EVPL: variants seen among roughly 807,000 people sequenced by gnomAD.
The protein encoded by EVPL is envoplakin, also known as 210 kDa cornified envelope precursor protein.
In EVPL, 94 loss-of-function variants were observed where a neutral mutation model predicts 129.7. That is an observed-to-expected ratio of 0.72 (90% confidence interval 0.61 to 0.86). The LOEUF is 0.86. Among genes scored for constraint, EVPL ranks in the 40% least tolerant of loss-of-function variants. The pLI is 0.00. For synonymous variants in EVPL, 1,172 were observed against 1,191.1 expected (o/e 0.98, Z 0.33); for missense variants, 2,625 against 2,721.1 (o/e 0.96, Z 0.79).
At position 76,007,417 on chromosome 17, in the gene EVPL, T is replaced by C. The variant is rs528929217; in HGVS notation, c.5788A>G (p.Ser1930Gly). Residue 1930 changes from serine to glycine, a missense_variant, in exon 22 of 22, where the codon AGC (serine) becomes GGC (glycine). By Grantham distance (56) the Ser-to-Gly change is moderately conservative (BLOSUM62 0). Coordinates refer to ENST00000301607, the MANE Select transcript of EVPL (RefSeq NM_001988.4). The surrounding 1 kb of genome is among the most constrained non-coding windows in gnomAD (Gnocchi z 8.8). ...TGCACCTGCAGGTGTGGGAGCACGC[T>C]CTCCCGGGGCATCCAGCCCTTCTGG... ...AVQKGWMPRE[S>G]VLPHLQVQHL... The C allele has an allele frequency of 3.7e-6, 6 of 1,603,800 alleles. No individual in the cohort carries two copies. The highest frequency in any genetic ancestry group is 1.7e-4 in the Middle Eastern group (1 of 6,038).
chr17:76,027,180 T>C lies in EVPL; in HGVS notation c.19A>G (p.Lys7Glu). MFKGLS[K>E]GSQGKGSPKG... ...GGGGACCCCTTCCCCTGGGAGCCTT[T>C]GCTCAGCCCCTTGAACATGGTCGTA... The change falls in exon 1 of 22, where the codon AAA (lysine) becomes GAA (glutamate). Residue 7 changes from lysine to glutamate, a missense_variant. Physicochemically the swap from Lys to Glu is moderately conservative, Grantham distance 56. Coordinates refer to ENST00000301607, the MANE Select transcript of EVPL (RefSeq NM_001988.4). 1 of 1,596,488 alleles carries C rather than the reference T, an allele frequency of 6.3e-7. No individual in the cohort carries two copies. Among genetic ancestry groups the C allele is most frequent in the Non-Finnish European group, 8.5e-7 (1 of 1,173,648 alleles).
At position 76,015,083 on chromosome 17, in the gene EVPL, CTGTTCCAGCA is replaced by C. The variant is rs769016290; in HGVS notation, c.2045_2054del (p.Leu682ArgfsTer12). ...GGTGTAGCCGCAGCACGCAGGTCTG[CTGTTCCAGCA>C]GCTCCCTCCGCTGGCGCTGCAGGAG... On this transcript the variant is annotated frameshift_variant, in exon 17 of 22. Coordinates refer to ENST00000301607, the MANE Select transcript of EVPL (RefSeq NM_001988.4). LOFTEE classifies it high-confidence loss of function. The C allele has an allele frequency of 6.3e-7, 1 of 1,577,632 alleles. No homozygotes were observed. Among genetic ancestry groups the C allele is most frequent in the African/African-American group, 1.3e-5 (1 of 74,498 alleles).
In EVPL at chr17:76,009,893, C is replaced by T. The variant is rs200935750; in HGVS notation, c.3312G>A (p.Ala1104=). 2.1e-5 allele frequency: 34 copies of T among 1,614,142 alleles called. No individual in the cohort carries two copies. The East Asian group carries it at 2.5e-4, about 12-fold the overall frequency. Residue 1104 remains alanine (A), a synonymous_variant, in exon 22 of 22, where the codon GCG becomes GCA. Coordinates refer to ENST00000301607, the MANE Select transcript of EVPL (RefSeq NM_001988.4). This position sits in a 1 kb window ranked among gnomAD's most constrained non-coding sequence, Gnocchi z 5.9. ...CAGCCTCCTCCGCCTGCTTCCTCCG[C>T]GCAGCATCCTCCTCCATCTGCAGCC... ...ALRLQMEEDA[A]RRKQAEEAVA... is the part of the protein sequence containing the mutation.
Position 76,018,150 on chromosome 17 carries a change from A to G in EVPL, c.1537+11T>C. On this transcript the variant is annotated intron_variant, in intron 13 of 21. Transcript: ENST00000301607. Reference sequence around the variant, plus strand: ...CCCCACAGCCACCTCTCCCCGGGCCACCCTGGGTACCCTGCTGGCTGGGCC... The same window carrying G: ...CCCCACAGCCACCTCTCCCCGGGCCGCCCTGGGTACCCTGCTGGCTGGGCC... 5 of 1,550,738 alleles carry G rather than the reference A, an allele frequency of 3.2e-6. No individual in the cohort carries two copies. Among genetic ancestry groups the G allele is most frequent in the Non-Finnish European group, 4.4e-6 (5 of 1,146,738 alleles).
At chr17:76,017,670 T>C (rs1235318606) in intron 14 of EVPL, 69 bp downstream of exon 14, 2 of 1,560,916 alleles carry the variant, frequency 1.3e-6, no homozygotes, top group Non-Finnish European at 1.7e-6. Flanking sequence ...TTGCCTCACC[T>C]CCCTCAAGTG....
intron 9 of EVPL, 87 bp downstream of exon 9, chr17:76,021,381 T>G: frequency 2.3e-6 from 3 of 1,276,884 alleles, no homozygotes; most frequent in Non-Finnish European, 2.2e-6. Flanking sequence ...GGAGGTGCAG[T>G]GCCTCTCCTG....
At chr17:76,023,744 A>AC in intron 2 of EVPL, 90 bp from the exon 3 acceptor site, 1 of 1,451,520 alleles carries the variant, frequency 6.9e-7, no homozygotes, top group Non-Finnish European at 9.1e-7. Context: ...CAACTTTGGG[A>AC]CCCCAGCTAT....
rs2066401357 is a variant in EVPL at position 76,014,440 on chromosome 17, G to C, written c.2359C>G (p.Leu787Val). The stretch of plus-strand genomic sequence containing the variant: ...CCCAGCCTCACCTTCTGCGCCTGCA[G>C]CTTGTAGGCGATCTGGCTGGGGCCG... Reference protein sequence around the residue: ...SDGPSQIAYKLQAQKRLTQEI... With the variant: ...SDGPSQIAYKVQAQKRLTQEI... Residue 787 changes from leucine to valine, a missense_variant, in exon 18 of 22, where the codon CTG (leucine) becomes GTG (valine). Physicochemically the swap from Leu to Val is conservative, Grantham distance 32 (BLOSUM62 1). Around this residue, in one of 4 missense-constraint regions of EVPL, gnomAD observed 1,024 missense variants for 997.5 expected, o/e 1.03. Coordinates refer to ENST00000301607, the MANE Select transcript of EVPL (RefSeq NM_001988.4). 1 of 1,610,144 alleles carries C rather than the reference G, an allele frequency of 6.2e-7. No homozygotes were observed. Among genetic ancestry groups the C allele is most frequent in the Admixed American group, 1.7e-5 (1 of 59,506 alleles).
chr17:76,025,394 G>A (rs1198325950), intron 1 of EVPL, among the ~76,000 whole-genome samples: 2 of 152,194 alleles, frequency 1.3e-5, no homozygotes, highest in Non-Finnish European at 2.9e-5. Context: ...GTAAGTTCAT[G>A]TCAAACGAGT....
chr17:76,016,664 A>G (rs1393049036), intron 14 of EVPL, among the ~76,000 whole-genome samples: 2 of 152,078 alleles, frequency 1.3e-5, no homozygotes, highest in Non-Finnish European at 2.9e-5. Context: ...CTGTAATCCT[A>G]GCACTTTGGG....
chr17:76,022,412 CCG>C lies in EVPL; in HGVS notation c.605_606del (p.Pro202ArgfsTer42). ...ATGTGACATCCTCCAGGCTCACCTA[CCG>C]GCCCCACGAGGCTCCGCAGCTGCTG... ...YGQQLRSLVG[P>X]DAATIRSQYR... On this transcript the variant is annotated frameshift_variant and splice_region_variant, in exon 5 of 22. Coordinates refer to ENST00000301607, the MANE Select transcript of EVPL (RefSeq NM_001988.4). LOFTEE classifies it high-confidence loss of function. The surrounding 1 kb of genome is among the most constrained non-coding windows in gnomAD (Gnocchi z 5.6). The C allele has an allele frequency of 2.5e-6, 4 of 1,613,646 alleles. No homozygotes were observed. The highest frequency in any genetic ancestry group is 3.4e-6 in the Non-Finnish European group (4 of 1,179,936).
Position 76,008,491 on chromosome 17 carries a change from T to TC in EVPL, c.4713dup (p.Arg1572GlufsTer151), listed in dbSNP as rs2066342603. ...TCGGACTCCTCCCGGGACCAGGTTC[T>TC]CCCCAGCGTCTCGGCCCGGTCAATG... On this transcript the variant is annotated frameshift_variant, in exon 22 of 22. Coordinates refer to ENST00000301607, the MANE Select transcript of EVPL (RefSeq NM_001988.4). LOFTEE classifies it low-confidence loss of function (END_TRUNC). The surrounding 1 kb of genome is among the most constrained non-coding windows in gnomAD (Gnocchi z 7.4). 1 of 1,601,162 alleles carries TC rather than the reference T, an allele frequency of 6.2e-7. No homozygotes were observed. Among genetic ancestry groups the TC allele is most frequent in the African/African-American group, 1.3e-5 (1 of 74,784 alleles).
Position 76,007,137 on chromosome 17 carries a change from G to C in EVPL, c.6068C>G (p.Ser2023Cys), listed in dbSNP as rs772674919. The change falls in exon 22 of 22, where the codon TCC becomes TGC. Residue 2023 changes from serine to cysteine, a missense_variant. Coordinates refer to ENST00000301607, the MANE Select transcript of EVPL (RefSeq NM_001988.4). The surrounding 1 kb of genome is among the most constrained non-coding windows in gnomAD (Gnocchi z 8.8). ...GGAGCGCGGGACGGTGGGGGAGGCG[G>C]AGCGGTAGCAGCGGTACCCCTCCAG... ...AALEGYRCYR[S>C]ASPTVPRSLR 1.3e-6 allele frequency: 2 copies of C among 1,490,860 alleles called. No individual in the cohort carries two copies. Among genetic ancestry groups the C allele is most frequent in the South Asian group, 2.8e-5 (2 of 71,366 alleles). The allele number at this position is 1,490,860 out of a possible 1,614,324, so 92.4% of individuals were successfully genotyped here.
rs776515037 is a variant in EVPL at position 76,022,235 on chromosome 17, G to A, written c.607-8C>T. ...CCGGATGGTGGCTGCATCCTGCCTC[G>A]ACCAAGGGGAGAAACAAGCCCGTGA... On this transcript the variant is annotated splice_region_variant and splice_polypyrimidine_tract_variant and intron_variant, in intron 5 of 21. Coordinates refer to ENST00000301607, the MANE Select transcript of EVPL (RefSeq NM_001988.4). The surrounding 1 kb of genome is among the most constrained non-coding windows in gnomAD (Gnocchi z 5.6). 2 of 1,613,070 alleles carry A rather than the reference G, an allele frequency of 1.2e-6. No individual in the cohort carries two copies. Among genetic ancestry groups the A allele is most frequent in the South Asian group, 1.1e-5 (1 of 91,030 alleles).
intron 11 of EVPL, 79 bp from the exon 12 acceptor site, chr17:76,018,679 C>T: frequency 6.8e-7 from 1 of 1,461,384 alleles, no homozygotes; most frequent in East Asian, 2.3e-5. Context: ...GGGCTGGGGA[C>T]AGAGACAAAT....
In EVPL at chr17:76,015,435, C is replaced by G. The variant is rs1253876206; in HGVS notation, c.1889+15G>C. The G allele has an allele frequency of 6.2e-7, 1 of 1,610,064 alleles. No individual in the cohort carries two copies. The highest frequency in any genetic ancestry group is 1.3e-5 in the African/African-American group (1 of 75,010). On this transcript the variant is annotated intron_variant, in intron 15 of 21. Transcript: ENST00000301607. ...CTGCTGCCCTGCGTGGCTGCCCTGT[C>G]CCCAGAGCACTCACTTCTCCCCGTA...
chr17:76,024,069 G>A lies in EVPL; in HGVS notation c.150C>T (p.Ala50=), dbSNP rs570224428. Residue 50 remains alanine, a synonymous_variant, in exon 2 of 22, where the codon GCC becomes GCT. Coordinates refer to ENST00000301607, the MANE Select transcript of EVPL (RefSeq NM_001988.4). The surrounding 1 kb of genome is among the most constrained non-coding windows in gnomAD (Gnocchi z 4.5). ...CCAGGATGTCCCGCTCCACCTGGTC[G>A]GCGTTGGCTTGCATGCGGGAGATGA... ...ALLISRMQAN[A]DQVERDILET... The A allele has an allele frequency of 4.3e-6, 7 of 1,613,858 alleles. No individual in the cohort carries two copies. The highest frequency in any genetic ancestry group is 2.2e-5 in the East Asian group (1 of 44,876).
At position 76,019,122 on chromosome 17, in the gene EVPL, T is replaced by C. The variant is rs2066440090; in HGVS notation, c.1138-62A>G. 8.9e-6 allele frequency: 13 copies of C among 1,462,370 alleles called. No homozygotes were observed. The Admixed American group carries it at 3.4e-4, about 39-fold the overall frequency. The allele number at this position is 1,462,370 out of a possible 1,614,324, so 90.6% of individuals were successfully genotyped here. A position where few individuals can be genotyped will look rare whatever the true frequency, so the allele number is the denominator to read the frequency against. Reference sequence around the variant, plus strand: ...GCTGCATTGGAGGCTGGCCACACCATACCTGTCCTTCAAAAGGCCTAGAGG... The same window carrying C: ...GCTGCATTGGAGGCTGGCCACACCACACCTGTCCTTCAAAAGGCCTAGAGG... On this transcript the variant is annotated intron_variant, in intron 10 of 21. Coordinates refer to ENST00000301607, the MANE Select transcript of EVPL (RefSeq NM_001988.4).
rs528197143 is a variant in EVPL, at chr17:76,014,624, G to A, written c.2223-48C>T. 11 of 1,588,034 alleles carry A rather than the reference G, an allele frequency of 6.9e-6. No individual in the cohort carries two copies. The South Asian group carries it at 1.0e-4, about 15-fold the overall frequency. Reference sequence around the variant, plus strand: ...ACAGAGATAAGACCTGCCCCGTGGGGACAGGGGCAGGTGCACAGGGAGGCT... The same window carrying A: ...ACAGAGATAAGACCTGCCCCGTGGGAACAGGGGCAGGTGCACAGGGAGGCT... On this transcript the variant is annotated intron_variant, in intron 17 of 21. Transcript: ENST00000301607.
Sources: gnomAD v4.1 joint callset for allele counts (sites outside exome capture counted in the v4.1 genomes callset) on GRCh38, gnomAD v4.1.1 for gene constraint, gnomAD v4.1.1 regional missense constraint, Gnocchi (gnomAD v3.1) non-coding constraint, MANE v1.5 for transcripts, NCBI Gene and HGNC (gene_info 2026-07-23, HGNC 2026-07-21) for gene names.